The following TLCD4 variants were observed in gnomAD, a reference collection of about 807,000 sequenced individuals.
TLCD4 encodes TLC domain containing 4.
A neutral mutation model predicts 24.2 loss-of-function variants in TLCD4; 7 were observed. The ratio of observed to expected loss-of-function variants is 0.29; its 90% CI spans 0.16 to 0.54. The LOEUF (loss-of-function observed/expected upper bound fraction) is 0.54. TLCD4 is among the 20% of genes least tolerant of loss of function. The pLI is 0.95. For missense variants in TLCD4, 259 were observed against 313.9 expected (o/e 0.82, Z 1.32); for synonymous variants, 103 against 106.4 (o/e 0.97, Z 0.20).
chr1:95,191,024 T>TA (rs1319162545), intron 6 of TLCD4, among the ~76,000 whole-genome samples: 1 of 152,198 alleles, frequency 6.6e-6, no homozygotes, highest in Non-Finnish European at 1.5e-5. Context: ...CTTTTGGTGT[T>TA]GTATCTAAAA....
rs1172242087 is a variant in TLCD4 at position 95,148,107 on chromosome 1, G to C, written c.156-595G>C. On this transcript the variant is annotated intron_variant, in intron 2 of 6. Transcript: ENST00000370203. ...ATGTTTTCATAATAATGATAAAGAGGGACTAATAATAGCTACCCTTGTTTT... is the reference window on the plus strand; with the variant it reads ...ATGTTTTCATAATAATGATAAAGAGCGACTAATAATAGCTACCCTTGTTTT... Among the ~76,000 whole-genome samples the C allele has an allele frequency of 2.0e-5, 3 of 151,996 alleles. No individual in the cohort carries two copies. In the East Asian group the frequency reaches 5.8e-4, roughly 29 times the overall value.
intron 5 of TLCD4, among the ~76,000 whole-genome samples, chr1:95,173,294 C>T (rs528371550): frequency 6.6e-6 from 1 of 151,432 alleles, no homozygotes; most frequent in South Asian, 2.1e-4. Flanking sequence ...TTCTGAAATT[C>T]ACAGTACTTT....
the TLCD4 span, among the ~76,000 whole-genome samples, chr1:95,100,440 T>C: frequency 6.6e-6 from 1 of 152,152 alleles, no homozygotes; most frequent in African/African-American, 2.4e-5. Flanking sequence ...CTGGGCATGA[T>C]GGTGCATGCC....
At chr1:95,164,859 T>G (rs1428507435) in intron 5 of TLCD4, 1 of 152,242 alleles carries the variant, frequency 6.6e-6, no homozygotes, top group Admixed American at 6.5e-5. Flanking sequence ...AATAGTTGAT[T>G]GCAGGACCCA....
At chr1:95,166,887 C>G (rs1225798056) in intron 5 of TLCD4, among the ~76,000 whole-genome samples, 1 of 151,958 alleles carries the variant, frequency 6.6e-6, no homozygotes, top group Non-Finnish European at 1.5e-5. Flanking sequence ...CGCCACCATG[C>G]CTGGCTAATT....
chr1:95,139,174 C>CAAAAAA (rs71097248), intron 1 of TLCD4, among the ~76,000 whole-genome samples: 1 of 76,812 alleles, frequency 1.3e-5, no homozygotes, highest in Non-Finnish European at 2.7e-5. Flanking sequence ...GAACCTGTGT[C>CAAAAAA]AAAAAAAAAA....
At position 95,192,096 on chromosome 1, in the gene TLCD4, G is replaced by C. The variant is rs1452676690; in HGVS notation, c.*228G>C. The C allele has an allele frequency of 1.1e-6, 1 of 915,682 alleles. No individual in the cohort carries two copies. Among genetic ancestry groups the C allele is most frequent in the African/African-American group, 1.7e-5 (1 of 58,668 alleles). The allele number at this position is 915,682 out of a possible 1,614,324, so 56.7% of individuals were successfully genotyped here. A position where few individuals can be genotyped will look rare whatever the true frequency, so the allele number is the denominator to read the frequency against. On this transcript the variant is annotated 3_prime_UTR_variant, in exon 7 of 7. Transcript: ENST00000370203. Reference sequence around the variant, plus strand: ...TCGATCACTGAGGTCAGGAGTTCGAGACTAGCTTGGCCAACATGGTGAAAC... The same window carrying C: ...TCGATCACTGAGGTCAGGAGTTCGACACTAGCTTGGCCAACATGGTGAAAC...
intron 2 of TLCD4, among the ~76,000 whole-genome samples, chr1:95,148,043 T>G (rs1677395813): frequency 6.6e-6 from 1 of 152,208 alleles, no homozygotes; most frequent in Non-Finnish European, 1.5e-5. Flanking sequence ...AAACAAATTT[T>G]CCGTATACAT....
At chr1:95,125,982 T>C (rs1676722138) in intron 1 of TLCD4, among the ~76,000 whole-genome samples, 2 of 82,568 alleles carry the variant, frequency 2.4e-5, no homozygotes, top group African/African-American at 9.3e-5. Flanking sequence ...TGAGACGCCA[T>C]CTCTATTAAA....
At chr1:95,159,298 G>A (rs1327914353) in intron 5 of TLCD4, among the ~76,000 whole-genome samples, 1 of 152,148 alleles carries the variant, frequency 6.6e-6, no homozygotes. Flanking sequence ...TGGCTGCATA[G>A]ATGTCTTCTT....
chr1:95,108,398 C>T, the TLCD4 span, among the ~76,000 whole-genome samples: 13 of 151,962 alleles, frequency 8.6e-5, no homozygotes, highest in Non-Finnish European at 7.4e-5. Context: ...GTTTTTGTTT[C>T]TGTTTTGCTC....
chr1:95,134,930 G>A (rs1371708600), intron 1 of TLCD4, among the ~76,000 whole-genome samples: 1 of 152,132 alleles, frequency 6.6e-6, no homozygotes. Flanking sequence ...GGCTAGTACT[G>A]TTGATATTTC....
chr1:95,098,523 TTCTC>T, the TLCD4 span, among the ~76,000 whole-genome samples: 2 of 152,194 alleles, frequency 1.3e-5, no homozygotes, highest in African/African-American at 2.4e-5. Flanking sequence ...GTTTTGCATG[TTCTC>T]TCTCATTCTG....
intron 6 of TLCD4, among the ~76,000 whole-genome samples, chr1:95,186,790 C>G (rs1033192719): frequency 2.6e-5 from 4 of 152,182 alleles, no homozygotes; most frequent in Admixed American, 2.6e-4. Context: ...TCTAAATAGT[C>G]TTTCTTAATT....
At chr1:95,126,758 C>T (rs555077664) in intron 1 of TLCD4, among the ~76,000 whole-genome samples, 2 of 152,322 alleles carry the variant, frequency 1.3e-5, no homozygotes, top group African/African-American at 4.8e-5. Context: ...GTAGACTAGA[C>T]AGGCTCCTGA....
At chr1:95,133,214 G>A (rs4949974) in intron 1 of TLCD4, among the ~76,000 whole-genome samples, 64,661 of 151,914 alleles carry the variant, frequency 0.43, 16,861 homozygotes, top group Non-Finnish European at 0.58. Flanking sequence ...TGATGTTCCC[G>A]TTCCTGTGTC....
intron 6 of TLCD4, among the ~76,000 whole-genome samples, chr1:95,188,685 GT>G (rs1678917968): frequency 6.6e-6 from 1 of 152,090 alleles, no homozygotes. Context: ...AGCTCATTTG[GT>G]TGGTTTCTGT....
intron 5 of TLCD4, among the ~76,000 whole-genome samples, chr1:95,153,178 A>G (rs1677539404): frequency 6.6e-6 from 1 of 151,988 alleles, no homozygotes; most frequent in Admixed American, 6.6e-5. Context: ...TTAATGGTAC[A>G]GAGTTTCCAT....
chr1:95,094,293 G>A, the TLCD4 span, among the ~76,000 whole-genome samples: 1 of 142,128 alleles, frequency 7.0e-6, no homozygotes, highest in African/African-American at 2.6e-5. Flanking sequence ...CTCACATCTG[G>A]CTAATTGCAT....
Sources: gnomAD v4.1 joint callset for allele counts (sites outside exome capture counted in the v4.1 genomes callset) on GRCh38, gnomAD v4.1.1 for gene constraint, MANE v1.5 for transcripts, NCBI Gene and HGNC (gene_info 2026-07-23, HGNC 2026-07-21) for gene names.